The following MYO7B variants were observed in gnomAD, a reference collection of about 807,000 sequenced individuals.
MYO7B encodes myosin VIIB, also known as unconventional myosin-VIIb.
In MYO7B, 212 loss-of-function variants were observed where a neutral mutation model predicts 259.7. That is an observed-to-expected ratio of 0.82 (90% CI 0.73 to 0.91). The LOEUF (loss-of-function observed/expected upper bound fraction) is 0.91. Ranked by LOEUF, MYO7B falls within the 40% of genes least tolerant of loss-of-function variation. The pLI is 0.00. For missense variants in MYO7B, 2,732 were observed against 2,813.5 expected, an observed-to-expected ratio of 0.97 and a Z score of 0.66; for synonymous variants, 1,197 against 1,166.4, an observed-to-expected ratio of 1.03 and a Z score of -0.54.
chr2:127,544,144 A>G (rs994417133), intron 1 of MYO7B, among the ~76,000 whole-genome samples: 2 of 150,304 alleles, frequency 1.3e-5, no homozygotes, highest in Non-Finnish European at 3.0e-5. Flanking sequence ...TGATGCAATC[A>G]TAGCTCACTA....
At chr2:127,623,628 G>T (rs148966512) in intron 29 of MYO7B, among the ~76,000 whole-genome samples, 89 of 152,198 alleles carry the variant, frequency 5.8e-4, no homozygotes, top group African/African-American at 2.0e-3. Flanking sequence ...ATGCACACCT[G>T]GTCCCCCACC....
At chr2:127,623,137 TG>T in intron 28 of MYO7B, 64 bp from the exon 29 acceptor site, 2 of 1,575,418 alleles carry the variant, frequency 1.3e-6, no homozygotes, top group Admixed American at 1.7e-5. Flanking sequence ...AGGTAGTGGA[TG>T]GGGGGTTGGC....
Position 127,615,090 on chromosome 2 carries a change from G to A in MYO7B, c.3398+2487G>A, listed in dbSNP as rs1680520323. Reference sequence around the variant, plus strand: ...ACCCTTTAGCTGGGGGGCACGAGAGGACCAGGAAATTCACAATGCCAGTGA... The same window carrying A: ...ACCCTTTAGCTGGGGGGCACGAGAGAACCAGGAAATTCACAATGCCAGTGA... On this transcript the variant is annotated intron_variant, in intron 26 of 47. Coordinates refer to ENST00000409816, the MANE Select transcript of MYO7B (RefSeq NM_001393586.1). This position sits in a 1 kb window ranked among gnomAD's most constrained non-coding sequence, Gnocchi z 4.4. Among the ~76,000 whole-genome samples, 1 of 152,098 alleles carries A rather than the reference G, an allele frequency of 6.6e-6. No individual in the cohort carries two copies. Among genetic ancestry groups the A allele is most frequent in the African/African-American group, 2.4e-5 (1 of 41,412 alleles).
intron 18 of MYO7B, 151 bp from the exon 19 acceptor site, chr2:127,596,311 A>G (rs977516420): frequency 3.1e-6 from 2 of 638,866 alleles, no homozygotes; most frequent in African/African-American, 3.6e-5. Context: ...TCTCTGAGCA[A>G]CATCAAGGTC....
chr2:127,558,358 A>G (rs765821041), intron 1 of MYO7B, among the ~76,000 whole-genome samples: 2 of 152,224 alleles, frequency 1.3e-5, no homozygotes, highest in Non-Finnish European at 2.9e-5. Flanking sequence ...AGATGTTAGC[A>G]TGGATGCAGT....
At chr2:127,536,349 C>T (rs769953416) in intron 1 of MYO7B, among the ~76,000 whole-genome samples, 3 of 152,014 alleles carry the variant, frequency 2.0e-5, no homozygotes, top group South Asian at 2.1e-4. Flanking sequence ...GAAGCAGAGC[C>T]GGATTCGACT....
chr2:127,626,874 C>A (rs543088489), intron 31 of MYO7B, 101 bp from the exon 32 acceptor site: 3 of 1,106,364 alleles, frequency 2.7e-6, no homozygotes, highest in Admixed American at 2.2e-5. Context: ...CCTTGTAGAG[C>A]CTTCTCAGAA....
At position 127,637,393 on chromosome 2, in the gene MYO7B, G is replaced by A. The variant is rs1681909790; in HGVS notation, c.6405G>A (p.Lys2135=). The A allele has an allele frequency of 1.3e-6, 2 of 1,566,830 alleles. No homozygotes were observed. Among genetic ancestry groups the A allele is most frequent in the South Asian group, 1.2e-5 (1 of 83,600 alleles). Residue 2135 remains lysine, a synonymous_variant, in exon 48 of 48, where the codon AAG becomes AAA. Coordinates refer to ENST00000409816, the MANE Select transcript of MYO7B (RefSeq NM_001393586.1). ...LSAMNKQRGS[K]APALAST is the part of the protein sequence containing the mutation. ...CCATGAACAAGCAGCGGGGCTCCAAGGCCCCAGCCCTGGCCAGCACCTAGC... is the reference window on the plus strand; with the variant it reads ...CCATGAACAAGCAGCGGGGCTCCAAAGCCCCAGCCCTGGCCAGCACCTAGC...
At chr2:127,552,697 G>A (rs557326436) in intron 1 of MYO7B, among the ~76,000 whole-genome samples, 6 of 152,244 alleles carry the variant, frequency 3.9e-5, no homozygotes, top group Admixed American at 1.3e-4. Flanking sequence ...GCAGGACCAC[G>A]GGTGGGCCTC....
rs1266828875 is a variant in MYO7B at position 127,576,804 on chromosome 2, A to G, written c.849+96A>G. 70 of 856,664 alleles carry G rather than the reference A, an allele frequency of 8.2e-5. No individual in the cohort carries two copies. The highest frequency in any genetic ancestry group is 8.9e-5 in the Non-Finnish European group (50 of 563,512). The allele number at this position is 856,664 out of a possible 1,614,324, so 53.1% of individuals were successfully genotyped here. ...TCCGCGACAGCTGCAGAGAAGCCCA[A>G]CGCTGGCCGGGCCCCTGAGGCGGGG... is the stretch of plus-strand genomic sequence containing the variant. On this transcript the variant is annotated intron_variant, in intron 8 of 47. Transcript: ENST00000409816. The surrounding 1 kb of genome is among the most constrained non-coding windows in gnomAD (Gnocchi z 4.9).
At position 127,627,245 on chromosome 2, in the gene MYO7B, G is replaced by T; in HGVS notation, c.4395G>T (p.Leu1465=). ...TTAACTGGAAGGGGCTTTGCTTCCT[G>T]GACCAGCAGGAGAAGATGCTGCTGG... is the stretch of plus-strand genomic sequence containing the variant. ...LAVNWKGLCF[L]DQQEKMLLEL... The change falls in exon 33 of 48, where the codon CTG becomes CTT. Residue 1465 remains leucine (L), a synonymous_variant. Transcript: ENST00000409816. The surrounding 1 kb of genome is among the most constrained non-coding windows in gnomAD (Gnocchi z 5.6). 1 of 1,611,944 alleles carries T rather than the reference G, an allele frequency of 6.2e-7. No homozygotes were observed. The highest frequency in any genetic ancestry group is 1.7e-5 in the Admixed American group (1 of 59,754).
rs1019545724 is a variant in MYO7B, at chr2:127,628,646, A to G, written c.4624+111A>G. The G allele has an allele frequency of 9.9e-6, 12 of 1,210,238 alleles. No individual in the cohort carries two copies. The Middle Eastern group carries it at 8.4e-4, about 85-fold the overall frequency. 75.0% of individuals were successfully genotyped at this position (1,210,238 alleles called of 1,614,324 possible). ...TCCACACAGCAGCCACAAGGCAAGC[A>G]GAGGGAGGGAAGGCCCCAAAGCTCT... On this transcript the variant is annotated intron_variant, in intron 34 of 47. Transcript: ENST00000409816. This position sits in a 1 kb window ranked among gnomAD's most constrained non-coding sequence, Gnocchi z 4.8.
chr2:127,550,516 C>A lies in MYO7B; in HGVS notation c.-23-9184C>A, dbSNP rs868731468. ...AGAGTTGCAGTGGGCTGGGATCACG[C>A]AACTGCACTCTAGCCTGGGCAACAG... On this transcript the variant is annotated intron_variant, in intron 1 of 47. Coordinates refer to ENST00000409816, the MANE Select transcript of MYO7B (RefSeq NM_001393586.1). Among the ~76,000 whole-genome samples, 56 of 150,826 alleles carry A rather than the reference C, an allele frequency of 3.7e-4. 1 individual carries two copies. The highest frequency in any genetic ancestry group is 2.1e-4 in the South Asian group (1 of 4,774).
At chr2:127,536,463 G>A (rs1215111733) in intron 1 of MYO7B, among the ~76,000 whole-genome samples, 1 of 123,452 alleles carries the variant, frequency 8.1e-6, no homozygotes, top group Non-Finnish European at 1.8e-5. Flanking sequence ...GGTCTGGGGT[G>A]TGGTGGGGGG....
rs539872009 is a variant in MYO7B, at chr2:127,583,076, G to A, written c.1343+630G>A. ...TCACCAGCAAGAGGAGTCCCATGAC[G>A]ACTGGTACAAGCAGGCTGACAACAC... is the stretch of plus-strand genomic sequence containing the variant. On this transcript the variant is annotated intron_variant, in intron 12 of 47. Transcript: ENST00000409816. 5.9e-5 allele frequency among the ~76,000 whole-genome samples: 9 copies of A among 152,340 alleles called. 1 individual carries two copies. Among genetic ancestry groups the A allele is most frequent in the Admixed American group, 1.3e-4 (2 of 15,306 alleles).
intron 6 of MYO7B, among the ~76,000 whole-genome samples, chr2:127,573,295 G>A (rs1678723487): frequency 6.6e-6 from 1 of 152,182 alleles, no homozygotes; most frequent in Non-Finnish European, 1.5e-5. Context: ...TGAGTATTTT[G>A]TTCTAACTTT....
rs371028669 is a variant in MYO7B, at chr2:127,604,508, AC to A, written c.2340-1334del. ...TCATTCATGTGTTCACTGGAGTAGCACCTTTAATTTCCTTCAGGAACTTTTC... is the reference window on the plus strand; with the variant it reads ...TCATTCATGTGTTCACTGGAGTAGCACTTTAATTTCCTTCAGGAACTTTTC... On this transcript the variant is annotated intron_variant, in intron 19 of 47. Transcript: ENST00000409816. Among the ~76,000 whole-genome samples the A allele has an allele frequency of 1.0e-3, 158 of 152,300 alleles. 1 individual carries two copies. In the East Asian group the frequency reaches 0.014, roughly 13 times the overall value.
chr2:127,621,965 C>T lies in MYO7B; in HGVS notation c.3526-17C>T. 6.4e-7 allele frequency: 1 copy of T among 1,551,690 alleles called. No individual in the cohort carries two copies. The highest frequency in any genetic ancestry group is 8.7e-7 in the Non-Finnish European group (1 of 1,146,986). The stretch of plus-strand genomic sequence containing the variant: ...TTTCTGAGTGTCTTCCTCCCTTCTC[C>T]CCTCCTCACCCACCAGTATCTACTG... On this transcript the variant is annotated splice_polypyrimidine_tract_variant and intron_variant, in intron 27 of 47. Transcript: ENST00000409816.
At chr2:127,608,948 A>C in intron 22 of MYO7B, 70 bp downstream of exon 22, 1 of 1,532,416 alleles carries the variant, frequency 6.5e-7, no homozygotes, top group South Asian at 1.2e-5. Context: ...CCGTGAACTC[A>C]GTCCACCTCT....
Sources: gnomAD v4.1 joint callset for allele counts (sites outside exome capture counted in the v4.1 genomes callset) on GRCh38, gnomAD v4.1.1 for gene constraint, Gnocchi (gnomAD v3.1) non-coding constraint, MANE v1.5 for transcripts, NCBI Gene and HGNC (gene_info 2026-07-23, HGNC 2026-07-21) for gene names.